Variants in TLN2 observed in about 807,000 individuals in gnomAD.
TLN2 encodes the protein talin-2.
In TLN2, 118 loss-of-function variants were observed where a neutral mutation model predicts 294.7. That is an observed-to-expected ratio of 0.40 (90% CI 0.34 to 0.47). The LOEUF (loss-of-function observed/expected upper bound fraction) is 0.47. TLN2 is among the 20% of genes least tolerant of loss of function. The pLI, the probability that TLN2 is intolerant of heterozygous loss-of-function variation, is 0.84. For missense variants in TLN2, 3,083 were observed against 3,282.2 expected (o/e 0.94, Z 1.48); for synonymous variants, 1,431 against 1,304.5 (o/e 1.10, Z -2.09).
Position 62,409,609 on chromosome 15 carries a change from G to A in TLN2, c.-238+18924G>A, listed in dbSNP as rs1284148949. 2.0e-5 allele frequency among the ~76,000 whole-genome samples: 3 copies of A among 152,304 alleles called. No homozygotes were observed. In the East Asian group the frequency reaches 5.8e-4, roughly 29 times the overall value. ...AATTCCTTTGGAGCATTAATAGTATGTGAAATATATTTTAGATTTTTGGAG... is the reference window on the plus strand; with the variant it reads ...AATTCCTTTGGAGCATTAATAGTATATGAAATATATTTTAGATTTTTGGAG... On this transcript the variant is annotated intron_variant, in intron 1 of 58. Transcript: ENST00000636159.
chr15:62,715,641 A>G (rs1307065040), intron 22 of TLN2, among the ~76,000 whole-genome samples: 1 of 152,226 alleles, frequency 6.6e-6, no homozygotes, highest in African/African-American at 2.4e-5. Flanking sequence ...GGGCTGGACA[A>G]AGAAAGCGTG....
At chr15:62,786,603 T>C (rs1378784275) in intron 45 of TLN2, among the ~76,000 whole-genome samples, 1 of 152,190 alleles carries the variant, frequency 6.6e-6, no homozygotes, top group African/African-American at 2.4e-5. Context: ...GCTTTGTCTC[T>C]GAGGAAAATG....
At chr15:62,744,221 C>A (rs2061486223) in intron 32 of TLN2, among the ~76,000 whole-genome samples, 2 of 152,036 alleles carry the variant, frequency 1.3e-5, no homozygotes, top group African/African-American at 4.8e-5. Context: ...CCCTGCGAGT[C>A]CCTACATACC....
At chr15:62,529,892 A>G (rs890578454) in intron 1 of TLN2, among the ~76,000 whole-genome samples, 1 of 152,128 alleles carries the variant, frequency 6.6e-6, no homozygotes, top group African/African-American at 2.4e-5. Context: ...TTGGTCTCTG[A>G]TATTTTGTTA....
chr15:62,836,956 A>G lies in TLN2; in HGVS notation c.7374+883A>G, dbSNP rs181428824. 9.0e-4 allele frequency among the ~76,000 whole-genome samples: 133 copies of G among 147,902 alleles called. No individual in the cohort carries two copies. The Middle Eastern group carries it at 0.021, about 23-fold the overall frequency. On this transcript the variant is annotated intron_variant, in intron 57 of 58. Coordinates refer to ENST00000636159, the MANE Select transcript of TLN2 (RefSeq NM_015059.3). ...TGCAAAGCTAGCTGGCCCATTCTTCATGAGTTCCATTTTTAATGATTGCAT... is the reference window on the plus strand; with the variant it reads ...TGCAAAGCTAGCTGGCCCATTCTTCGTGAGTTCCATTTTTAATGATTGCAT...
At chr15:62,396,980 C>T (rs111463115) in intron 1 of TLN2, among the ~76,000 whole-genome samples, 1,635 of 152,296 alleles carry the variant, frequency 0.011, 31 homozygotes, top group African/African-American at 0.038. Context: ...GCTGGAATTA[C>T]AGGCATGAGC....
At chr15:62,437,749 G>GGC (rs35348224) in intron 1 of TLN2, among the ~76,000 whole-genome samples, 6 of 40,132 alleles carry the variant, frequency 1.5e-4, no homozygotes, top group Non-Finnish European at 4.5e-4. Flanking sequence ...AAAACACCAT[G>GGC]GGGGTGTGTG....
In TLN2 at chr15:62,441,864, G is replaced by T. The variant is rs188402541; in HGVS notation, c.-238+51179G>T. On this transcript the variant is annotated intron_variant, in intron 1 of 58. Transcript: ENST00000636159. ...GCTTCCAGATGGATAAACACGTGGA[G>T]GTTTGTGGCGGGTGGTGTGCCCCCC... 1.2e-3 allele frequency among the ~76,000 whole-genome samples: 179 copies of T among 152,304 alleles called. 1 individual carries two copies. The highest frequency in any genetic ancestry group is 9.5e-3 in the Admixed American group (145 of 15,302).
chr15:62,708,758 G>A lies in TLN2; in HGVS notation c.2429G>A (p.Cys810Tyr). 1 of 1,607,492 alleles carries A rather than the reference G, an allele frequency of 6.2e-7. No homozygotes were observed. Residue 810 changes from cysteine (C) to tyrosine (Y), a missense_variant, in exon 21 of 59, where the codon TGT (cysteine) becomes TAT (tyrosine). Transcript: ENST00000636159. ...RYDQATDTIMCVTESIFSSMG... is the reference protein window; with the variant it reads ...RYDQATDTIMYVTESIFSSMG... The stretch of plus-strand genomic sequence containing the variant: ...GACCAGGCTACTGACACCATCATGT[G>A]TGTCACCGAGAGCATCTTCAGCTCC...
intron 46 of TLN2, 25 bp from the exon 47 acceptor site, chr15:62,796,102 C>T (rs1347851187): frequency 6.2e-7 from 1 of 1,609,990 alleles, no homozygotes; most frequent in South Asian, 1.1e-5. Context: ...TCTTAGCTCC[C>T]CTCACATTCC....
intron 1 of TLN2, among the ~76,000 whole-genome samples, chr15:62,395,394 CAG>C (rs915672062): frequency 3.3e-5 from 5 of 152,078 alleles, no homozygotes; most frequent in Non-Finnish European, 7.4e-5. Context: ...AATTTAAAAA[CAG>C]ATATTATTTC....
chr15:62,689,437 C>T (rs982197963), intron 12 of TLN2, among the ~76,000 whole-genome samples: 20 of 152,070 alleles, frequency 1.3e-4, no homozygotes, highest in African/African-American at 4.1e-4. Flanking sequence ...GGTGAAGAAC[C>T]GTCTATTACA....
intron 54 of TLN2, among the ~76,000 whole-genome samples, chr15:62,826,995 G>C (rs937417): frequency 0.87 from 132,706 of 152,144 alleles, 59,755 homozygotes; most frequent in East Asian, 1. Context: ...GATGACACGG[G>C]TGGTTCTTCA....
intron 22 of TLN2, 126 bp from the exon 23 acceptor site, chr15:62,716,205 T>C: frequency 2.6e-6 from 3 of 1,166,574 alleles, no homozygotes; most frequent in Non-Finnish European, 3.4e-6. Flanking sequence ...ATCATAAAGA[T>C]ATTGCTTGTG....
At chr15:62,768,304 A>G (rs974651128) in intron 41 of TLN2, among the ~76,000 whole-genome samples, 60 of 152,288 alleles carry the variant, frequency 3.9e-4, no homozygotes, top group African/African-American at 1.3e-3. Flanking sequence ...TGGATTCCCT[A>G]GAGAATCTGT....
chr15:62,672,360 C>A (rs1198915540), intron 9 of TLN2, among the ~76,000 whole-genome samples: 1 of 152,080 alleles, frequency 6.6e-6, no homozygotes, highest in Admixed American at 6.5e-5. Flanking sequence ...AATATCTGTG[C>A]TTTAACTTAC....
chr15:62,584,322 C>G (rs1382274786), intron 1 of TLN2, among the ~76,000 whole-genome samples: 5 of 152,260 alleles, frequency 3.3e-5, no homozygotes, highest in Admixed American at 3.3e-4. Flanking sequence ...TACTGAGAAT[C>G]TTTTTTGCAT....
chr15:62,830,970 G>T (rs915105753), intron 54 of TLN2: 3 of 151,594 alleles, frequency 2.0e-5, no homozygotes, highest in African/African-American at 7.3e-5. Flanking sequence ...TACAACAGTT[G>T]CCATTACCAG....
chr15:62,674,300 C>T (rs977236608), intron 10 of TLN2, among the ~76,000 whole-genome samples: 1 of 152,126 alleles, frequency 6.6e-6, no homozygotes, highest in Non-Finnish European at 1.5e-5. Context: ...AGAGACTTGT[C>T]CAGTCTACGC....
Sources: gnomAD v4.1 joint callset for allele counts (sites outside exome capture counted in the v4.1 genomes callset) on GRCh38, gnomAD v4.1.1 for gene constraint, MANE v1.5 for transcripts, NCBI Gene and HGNC (gene_info 2026-07-23, HGNC 2026-07-21) for gene names.